The following TMEM132C variants were observed in gnomAD, a reference collection of about 807,000 sequenced individuals.
TMEM132C encodes the protein transmembrane protein 132C, also known as protein phosphatase 1, regulatory subunit 152.
Under a neutral mutation model 61.4 loss-of-function variants are expected in TMEM132C, and 29 were observed. The observed-to-expected ratio is 0.47, with a 90% CI of 0.35 to 0.64. The LOEUF (loss-of-function observed/expected upper bound fraction) is 0.64, where lower values mean the gene tolerates loss of function less well. Among genes scored for constraint, TMEM132C ranks in the 30% least tolerant of loss-of-function variants. The pLI is 0.00. For synonymous variants in TMEM132C, 656 were observed against 633.1 expected (o/e 1.04, Z -0.54); for missense variants, 1,408 against 1,476.9 (o/e 0.95, Z 0.76).
chr12:128,610,862 A>C (rs1390791223), intron 3 of TMEM132C, among the ~76,000 whole-genome samples: 2 of 152,200 alleles, frequency 1.3e-5, no homozygotes, highest in African/African-American at 4.8e-5. Context: ...AATGAGTCCC[A>C]GTTCACAGTG....
chr12:128,480,106 A>C (rs531287629), intron 2 of TMEM132C, among the ~76,000 whole-genome samples: 3 of 152,240 alleles, frequency 2.0e-5, no homozygotes, highest in Admixed American at 6.5e-5. Flanking sequence ...AAAATTTTTA[A>C]AAATTAGCTG....
At chr12:128,391,868 G>A (rs1874773605) in intron 1 of TMEM132C, among the ~76,000 whole-genome samples, 1 of 152,092 alleles carries the variant, frequency 6.6e-6, no homozygotes, top group Non-Finnish European at 1.5e-5. Context: ...CTTTTATATG[G>A]CCTTCGAACT....
At chr12:128,360,245 G>GACACACACAC (rs145728632) in intron 1 of TMEM132C, among the ~76,000 whole-genome samples, 3 of 145,998 alleles carry the variant, frequency 2.1e-5, no homozygotes, top group African/African-American at 7.7e-5. Flanking sequence ...GATAAAGGAC[G>GACACACACAC]ACACACACAC....
intron 2 of TMEM132C, among the ~76,000 whole-genome samples, chr12:128,448,804 G>A (rs542799248): frequency 2.0e-5 from 3 of 152,186 alleles, no homozygotes; most frequent in South Asian, 2.1e-4. Context: ...TAACCAATTC[G>A]TATTAACTTT....
chr12:128,601,452 G>T (rs1014915342), intron 3 of TMEM132C, among the ~76,000 whole-genome samples: 7 of 152,190 alleles, frequency 4.6e-5, no homozygotes, highest in African/African-American at 1.7e-4. Context: ...GCTGCCATGG[G>T]ACTCATGACA....
intron 1 of TMEM132C, among the ~76,000 whole-genome samples, chr12:128,347,950 A>T (rs1419544174): frequency 1.3e-5 from 2 of 152,172 alleles, no homozygotes; most frequent in African/African-American, 2.4e-5. Flanking sequence ...CATGTGAGTT[A>T]TAGGATCAGC....
At chr12:128,562,120 C>T (rs147968272) in intron 3 of TMEM132C, among the ~76,000 whole-genome samples, 66 of 152,308 alleles carry the variant, frequency 4.3e-4, no homozygotes, top group Middle Eastern at 3.4e-3. Flanking sequence ...AACTGGAAAC[C>T]GCATCTCTCT....
At position 128,649,035 on chromosome 12, in the gene TMEM132C, A is replaced by G. The variant is rs541071383; in HGVS notation, c.1306-20382A>G. 7.8e-4 allele frequency among the ~76,000 whole-genome samples: 112 copies of G among 143,660 alleles called. 3 individuals are homozygous for G. In the South Asian group the frequency reaches 0.023, roughly 29 times the overall value. The allele number at this position is 143,660 out of a possible 152,430, so 94.2% of individuals were successfully genotyped here. ...CTGGAGTCCATCAGCATTGGATGTCAGTGTGTTTATTGGAGTCCATCAGCA... is the reference window on the plus strand; with the variant it reads ...CTGGAGTCCATCAGCATTGGATGTCGGTGTGTTTATTGGAGTCCATCAGCA... On this transcript the variant is annotated intron_variant, in intron 4 of 8. Transcript: ENST00000435159.
intron 2 of TMEM132C, among the ~76,000 whole-genome samples, chr12:128,484,618 C>G (rs1268787513): frequency 6.6e-6 from 1 of 152,106 alleles, no homozygotes; most frequent in African/African-American, 2.4e-5. Context: ...GGAAGGCAAA[C>G]AGCTGTGGGG....
intron 2 of TMEM132C, among the ~76,000 whole-genome samples, chr12:128,484,787 C>T (rs912672018): frequency 3.3e-5 from 5 of 151,844 alleles, no homozygotes; most frequent in African/African-American, 1.2e-4. Context: ...TGAGACTCCA[C>T]CTCTATATAA....
In TMEM132C at chr12:128,630,627, C is replaced by G. The variant is rs1410890348; in HGVS notation, c.1305+14292C>G. Among the ~76,000 whole-genome samples the G allele has an allele frequency of 6.6e-6, 1 of 152,218 alleles. No individual in the cohort carries two copies. The highest frequency in any genetic ancestry group is 1.5e-5 in the Non-Finnish European group (1 of 68,042). ...ATCGTCCATGTTCCCTCTGGGCGGT[C>G]ATGCCCAGAGGCTCGGGAACTTGGC... is the stretch of plus-strand genomic sequence containing the variant. On this transcript the variant is annotated intron_variant, in intron 4 of 8. Coordinates refer to ENST00000435159, the MANE Select transcript of TMEM132C (RefSeq NM_001136103.3). This position sits in a 1 kb window ranked among gnomAD's most constrained non-coding sequence, Gnocchi z 4.3.
intron 1 of TMEM132C, among the ~76,000 whole-genome samples, chr12:128,274,541 G>A (rs1423764127): frequency 1.3e-5 from 2 of 152,208 alleles, no homozygotes; most frequent in African/African-American, 2.4e-5. Context: ...AGTTATAAGA[G>A]ATTGGAAGCT....
In TMEM132C at chr12:128,415,135, C is replaced by A. The variant is rs780715998; in HGVS notation, c.489C>A (p.Ala163=). 1 of 1,609,772 alleles carries A rather than the reference C, an allele frequency of 6.2e-7. No individual in the cohort carries two copies. Among genetic ancestry groups the A allele is most frequent in the African/African-American group, 1.3e-5 (1 of 74,862 alleles). ...GCAGAGACTGGGATGACCACGGCGC[C>A]GGGGAGAAGCTGCCATGCCTGAGGG... ...IMGRDWDDHG[A]GEKLPCLRVF... Residue 163 remains alanine (A), a synonymous_variant, in exon 2 of 9, where the codon GCC becomes GCA. Transcript: ENST00000435159. The surrounding 1 kb of genome is among the most constrained non-coding windows in gnomAD (Gnocchi z 5.8).
intron 4 of TMEM132C, among the ~76,000 whole-genome samples, chr12:128,643,810 C>G (rs1460788491): frequency 3.3e-5 from 5 of 151,968 alleles, no homozygotes; most frequent in Non-Finnish European, 7.3e-5. Flanking sequence ...AGCCAGAATG[C>G]CTCCTTTTCA....
At chr12:128,318,902 G>A (rs1450159369) in intron 1 of TMEM132C, among the ~76,000 whole-genome samples, 1 of 152,160 alleles carries the variant, frequency 6.6e-6, no homozygotes, top group Non-Finnish European at 1.5e-5. Flanking sequence ...CAGAAGTTGT[G>A]GGCCCTCACC....
intron 2 of TMEM132C, among the ~76,000 whole-genome samples, chr12:128,416,616 TTC>T (rs548063564): frequency 1.5e-4 from 23 of 152,324 alleles, no homozygotes; most frequent in Non-Finnish European, 2.6e-4. Context: ...CATATTTCAT[TTC>T]TGTTTAACTT....
chr12:128,606,788 C>T (rs1280353018), intron 3 of TMEM132C, among the ~76,000 whole-genome samples: 1 of 152,130 alleles, frequency 6.6e-6, no homozygotes, highest in Non-Finnish European at 1.5e-5. Context: ...AGCGACTTAT[C>T]AAAGGGGCAG....
At chr12:128,276,493 G>A (rs139933675) in intron 1 of TMEM132C, among the ~76,000 whole-genome samples, 1 of 152,284 alleles carries the variant, frequency 6.6e-6, no homozygotes, top group East Asian at 1.9e-4. Flanking sequence ...CTACAGCTTA[G>A]GCATAATTCC....
At chr12:128,692,839 C>G (rs1055304699) in intron 5 of TMEM132C, among the ~76,000 whole-genome samples, 2 of 152,178 alleles carry the variant, frequency 1.3e-5, no homozygotes, top group Non-Finnish European at 2.9e-5. Flanking sequence ...CACATACTTG[C>G]AACCTTTATT....
Sources: allele counts gnomAD v4.1 joint callset (sites outside exome capture counted in the v4.1 genomes callset), GRCh38; gene constraint gnomAD v4.1.1; non-coding constraint Gnocchi (gnomAD v3.1); transcripts MANE v1.5; gene names NCBI Gene and HGNC (gene_info 2026-07-23, HGNC 2026-07-21).